The following CREM variants were observed in gnomAD, a reference collection of about 807,000 sequenced individuals.
CREM encodes the protein cAMP responsive element modulator.
Under a neutral mutation model 37.3 loss-of-function variants are expected in CREM, and 13 were observed. The ratio of observed to expected loss-of-function variants is 0.35; its 90% confidence interval spans 0.23 to 0.55. The LOEUF is 0.55. Ranked by LOEUF, CREM falls within the 20% of genes least tolerant of loss-of-function variation. The pLI is 0.88. For missense variants in CREM, 296 were observed against 362.3 expected (o/e 0.82, Z 1.49); for synonymous variants, 124 against 120.2 (o/e 1.03, Z -0.21).
At chr10:35,190,696 G>A (rs1171989806) in intron 6 of CREM, among the ~76,000 whole-genome samples, 6 of 151,674 alleles carry the variant, frequency 4.0e-5, no homozygotes, top group African/African-American at 9.7e-5. Flanking sequence ...ATGGAGTCTC[G>A]CTCTGTTGCC....
At chr10:35,134,589 AT>A (rs1267369681) in intron 1 of CREM, among the ~76,000 whole-genome samples, 33 of 152,260 alleles carry the variant, frequency 2.2e-4, no homozygotes, top group African/African-American at 7.7e-4. Context: ...CTTATATTAT[AT>A]GAGCATTTTC....
At chr10:35,160,119 A>C (rs749988007) in intron 3 of CREM, among the ~76,000 whole-genome samples, 1 of 152,146 alleles carries the variant, frequency 6.6e-6, no homozygotes, top group Non-Finnish European at 1.5e-5. Context: ...ATAGCCCACT[A>C]CATACCTAAG....
intron 3 of CREM, among the ~76,000 whole-genome samples, chr10:35,174,372 C>T (rs1399011087): frequency 6.6e-6 from 1 of 152,174 alleles, no homozygotes; most frequent in Non-Finnish European, 1.5e-5. Flanking sequence ...ATTCTATTTT[C>T]TAATAGTGCA....
At chr10:35,191,665 C>G (rs980685987) in intron 6 of CREM, among the ~76,000 whole-genome samples, 3 of 152,176 alleles carry the variant, frequency 2.0e-5, no homozygotes, top group African/African-American at 7.2e-5. Flanking sequence ...CTTCCTGAGA[C>G]TGTGTCCTCC....
chr10:35,210,846 T>C (rs2095649687), intron 7 of CREM: 1 of 154,656 alleles, frequency 6.5e-6, no homozygotes, highest in Non-Finnish European at 1.4e-5. Flanking sequence ...TAATCATTTT[T>C]GATCGAATAA....
At chr10:35,129,871 A>G (rs1325279269) in intron 1 of CREM, among the ~76,000 whole-genome samples, 1 of 152,190 alleles carries the variant, frequency 6.6e-6, no homozygotes, top group African/African-American at 2.4e-5. Context: ...TACATTGAAT[A>G]CAGTTTTGAT....
At chr10:35,159,556 C>T (rs999729402) in intron 3 of CREM, among the ~76,000 whole-genome samples, 8 of 152,134 alleles carry the variant, frequency 5.3e-5, no homozygotes, top group African/African-American at 1.9e-4. Context: ...CCTTGTCTCT[C>T]ACCATAAACA....
chr10:35,205,115 G>A (rs145088796), intron 6 of CREM, among the ~76,000 whole-genome samples: 37 of 152,268 alleles, frequency 2.4e-4, no homozygotes, highest in African/African-American at 7.7e-4. Flanking sequence ...TGGACCATAC[G>A]TTCTCAATGT....
intron 5 of CREM, among the ~76,000 whole-genome samples, chr10:35,187,177 TAATATATA>T (rs1394247951): frequency 7.1e-5 from 3 of 42,192 alleles, no homozygotes; most frequent in African/African-American, 2.6e-4. Flanking sequence ...ATATTAATAT[TAATATATA>T]AATATATTAA....
chr10:35,145,588 G>A (rs1176483330), intron 2 of CREM, among the ~76,000 whole-genome samples: 1 of 151,928 alleles, frequency 6.6e-6, no homozygotes, highest in Non-Finnish European at 1.5e-5. Flanking sequence ...GAAGACCAGC[G>A]TGGCCAACAT....
intron 5 of CREM, chr10:35,179,498 A>G: frequency 2.1e-6 from 1 of 468,912 alleles, no homozygotes; most frequent in Middle Eastern, 5.8e-4. Flanking sequence ...CGAATATAGA[A>G]GAAAATTTTG....
chr10:35,134,472 C>T (rs2090082601), intron 1 of CREM, among the ~76,000 whole-genome samples: 1 of 152,214 alleles, frequency 6.6e-6, no homozygotes, highest in African/African-American at 2.4e-5. Flanking sequence ...CCGCCTCAGC[C>T]TTCCAGAGTG....
At chr10:35,177,204 A>C (rs1201439549) in intron 3 of CREM, among the ~76,000 whole-genome samples, 1 of 152,006 alleles carries the variant, frequency 6.6e-6, no homozygotes, top group Non-Finnish European at 1.5e-5. Flanking sequence ...TGACAAATTC[A>C]CATACATTAA....
Position 35,148,376 on chromosome 10 carries a change from C to T in CREM, c.53C>T (p.Thr18Ile). ...TTTTATTGTCTTTTCAGACAAATGACCATGGAAACAGTTGAATCCCAGCAT... is the reference window on the plus strand; with the variant it reads ...TTTTATTGTCTTTTCAGACAAATGATCATGGAAACAGTTGAATCCCAGCAT... ...KYIKTNPRQM[T>I]METVESQHDG... The change falls in exon 3 of 8, where the codon ACC (threonine) becomes ATC (isoleucine). Residue 18 changes from threonine to isoleucine, a missense_variant. By Grantham distance (89) the Thr-to-Ile change is moderately conservative. This residue lies in a region of CREM where 257 missense variants were observed against 280.2 expected (regional missense o/e 0.92). Transcript: ENST00000685392. The T allele has an allele frequency of 6.2e-7, 1 of 1,610,204 alleles. No homozygotes were observed. The highest frequency in any genetic ancestry group is 8.5e-7 in the Non-Finnish European group (1 of 1,178,408).
intron 1 of CREM, among the ~76,000 whole-genome samples, chr10:35,134,968 G>A (rs185681586): frequency 1.3e-5 from 2 of 151,978 alleles, no homozygotes; most frequent in Admixed American, 6.6e-5. Context: ...AACCTGGGAC[G>A]TGGATTTTGC....
intron 2 of CREM, among the ~76,000 whole-genome samples, chr10:35,142,762 C>T (rs530575814): frequency 6.7e-4 from 102 of 152,232 alleles, no homozygotes; most frequent in African/African-American, 2.2e-3. Context: ...CCCATCACTA[C>T]GCCCAGCTAA....
At chr10:35,188,460 A>T in intron 6 of CREM, 72 bp downstream of exon 6, 1 of 1,353,672 alleles carries the variant, frequency 7.4e-7, no homozygotes, top group Non-Finnish European at 9.8e-7. Flanking sequence ...TGGTGATTTT[A>T]TAGTTTTTTG....
intron 5 of CREM, chr10:35,179,599 A>G (rs1442184006): frequency 3.9e-6 from 1 of 259,406 alleles, no homozygotes; most frequent in Non-Finnish European, 7.2e-6. Context: ...ATGCGAACAT[A>G]AATGTCTGTA....
chr10:35,139,849 A>G (rs768259789), intron 2 of CREM, among the ~76,000 whole-genome samples: 3 of 152,222 alleles, frequency 2.0e-5, no homozygotes, highest in Non-Finnish European at 2.9e-5. Context: ...GCTGATTTAT[A>G]GATGTTAATG....
Sources: allele counts gnomAD v4.1 joint callset (sites outside exome capture counted in the v4.1 genomes callset), GRCh38; gene constraint gnomAD v4.1.1; regional missense constraint gnomAD v4.1.1; transcripts MANE v1.5; gene names NCBI Gene and HGNC (gene_info 2026-07-23, HGNC 2026-07-21).